DAAM2: variants seen among roughly 807,000 people sequenced by gnomAD.
DAAM2 encodes disheveled-associated activator of morphogenesis 2.
A neutral mutation model predicts 120.7 loss-of-function variants in DAAM2; 39 were observed. The ratio of observed to expected loss-of-function variants is 0.32; its 90% CI spans 0.25 to 0.42. The LOEUF is 0.42. DAAM2 is among the 10% of genes least tolerant of loss of function. DAAM2 has a pLI of 1.00. For synonymous variants in DAAM2, 488 were observed against 524.9 expected, an observed-to-expected ratio of 0.93 and a Z score of 0.96; for missense variants, 1,283 against 1,401.7, an observed-to-expected ratio of 0.92 and a Z score of 1.35.
At chr6:39,871,460 GT>G (rs1764658347) in intron 8 of DAAM2, 45 bp from the exon 9 acceptor site, 1 of 1,519,124 alleles carries the variant, frequency 6.6e-7, no homozygotes, top group Non-Finnish European at 8.9e-7. Flanking sequence ...CCAAGGGTGT[GT>G]CCTGGCTGTA....
At chr6:39,837,107 C>T (rs965427289) in intron 1 of DAAM2, among the ~76,000 whole-genome samples, 2 of 152,156 alleles carry the variant, frequency 1.3e-5, no homozygotes, top group African/African-American at 4.8e-5. Flanking sequence ...ACCTGCTGCC[C>T]ACTCTCAGGC....
intron 1 of DAAM2, among the ~76,000 whole-genome samples, chr6:39,827,942 G>C (rs1762736126): frequency 6.6e-6 from 1 of 152,084 alleles, no homozygotes; most frequent in Non-Finnish European, 1.5e-5. Context: ...ACGCCTCGCT[G>C]TCCTTGGAGA....
chr6:39,839,252 G>A (rs969459116), intron 1 of DAAM2, among the ~76,000 whole-genome samples: 2 of 152,234 alleles, frequency 1.3e-5, no homozygotes, highest in South Asian at 2.1e-4. Context: ...AAAGAGAAAC[G>A]GCAGTAAATT....
rs1766493745 is a variant in DAAM2, at chr6:39,901,666, G to A, written c.2983-147G>A. 1.0e-6 allele frequency: 1 copy of A among 964,020 alleles called. No homozygotes were observed. Among genetic ancestry groups the A allele is most frequent in the Non-Finnish European group, 1.5e-6 (1 of 669,028 alleles). The allele number at this position is 964,020 out of a possible 1,614,324, so 59.7% of individuals were successfully genotyped here. A position where few individuals can be genotyped will look rare whatever the true frequency, so the allele number is the denominator to read the frequency against. On this transcript the variant is annotated intron_variant, in intron 24 of 24. Coordinates refer to ENST00000274867, the MANE Select transcript of DAAM2 (RefSeq NM_001201427.2). This position sits in a 1 kb window ranked among gnomAD's most constrained non-coding sequence, Gnocchi z 4.5. ...GAGAGTGGTGTGAAGCTGGGGGCCT[G>A]TATGTCCTAGGCAGGAAGAAAGTGG...
chr6:39,896,143 TA>T (rs1766072388), intron 19 of DAAM2, among the ~76,000 whole-genome samples: 1 of 152,220 alleles, frequency 6.6e-6, no homozygotes, highest in Non-Finnish European at 1.5e-5. Context: ...TTTAGAAAAG[TA>T]AAAGTGTCAT....
chr6:39,899,969 T>C lies in DAAM2; in HGVS notation c.2680-108T>C. On this transcript the variant is annotated intron_variant, in intron 22 of 24. Transcript: ENST00000274867. ...ACTTTGAGATGCAGGGTGTTCCCTC[T>C]TCCAAAGGGCTCAATGTCCTGTGAG... is the stretch of plus-strand genomic sequence containing the variant. The C allele has an allele frequency of 2.3e-6, 3 of 1,300,284 alleles. No homozygotes were observed. In the South Asian group the frequency reaches 4.4e-5, roughly 19 times the overall value. The allele number at this position is 1,300,284 out of a possible 1,614,324, so 80.5% of individuals were successfully genotyped here. A position where few individuals can be genotyped will look rare whatever the true frequency, so the allele number is the denominator to read the frequency against.
At chr6:39,881,953 C>G (rs1322300740) in intron 14 of DAAM2, 2 of 152,268 alleles carry the variant, frequency 1.3e-5, no homozygotes, top group East Asian at 3.9e-4. Context: ...ATCCCTCCAT[C>G]TTCCCACAGT....
At chr6:39,842,505 T>C (rs895130356) in intron 1 of DAAM2, among the ~76,000 whole-genome samples, 2 of 151,968 alleles carry the variant, frequency 1.3e-5, no homozygotes, top group Non-Finnish European at 2.9e-5. Context: ...TGGTGGTGCA[T>C]GCCTGTAAAC....
intron 5 of DAAM2, among the ~76,000 whole-genome samples, chr6:39,866,652 T>A (rs1397671212): frequency 6.6e-6 from 1 of 152,210 alleles, no homozygotes. Flanking sequence ...CAGCTACAAA[T>A]AATAAAAATG....
chr6:39,888,621 A>C (rs1425354827), intron 16 of DAAM2, 58 bp from the exon 17 acceptor site: 1 of 1,493,020 alleles, frequency 6.7e-7, no homozygotes, highest in Non-Finnish European at 9.3e-7. Flanking sequence ...CGGAGGTGGT[A>C]CCTTTTGGAG....
In DAAM2 at chr6:39,856,393, C is replaced by A. The variant is rs749092391; in HGVS notation, c.91C>A (p.His31Asn). 6.4e-7 allele frequency: 1 copy of A among 1,552,054 alleles called. No individual in the cohort carries two copies. The highest frequency in any genetic ancestry group is 8.7e-7 in the Non-Finnish European group (1 of 1,148,806). Residue 31 changes from histidine (H) to asparagine (N), a missense_variant, in exon 2 of 25, where the codon CAC becomes AAC. His to Asn is a moderately conservative substitution (Grantham distance 68). Coordinates refer to ENST00000274867, the MANE Select transcript of DAAM2 (RefSeq NM_001201427.2). ...CCCCGAAATCAACCTCCGGGACAAC[C>A]ACCCTCTGCAGTTCATGGAGTTCTC... ...DIPEINLRDN[H>N]PLQFMEFSSP...
At chr6:39,847,529 G>A (rs1247937129) in intron 1 of DAAM2, among the ~76,000 whole-genome samples, 1 of 152,094 alleles carries the variant, frequency 6.6e-6, no homozygotes, top group Non-Finnish European at 1.5e-5. Flanking sequence ...AGAGACATGG[G>A]CGCTAAAATT....
chr6:39,850,804 G>C (rs1763781891), intron 1 of DAAM2, among the ~76,000 whole-genome samples: 2 of 152,158 alleles, frequency 1.3e-5, no homozygotes, highest in Non-Finnish European at 2.9e-5. Flanking sequence ...CCATGTCCTT[G>C]TCCTGTTACC....
intron 17 of DAAM2, 101 bp downstream of exon 17, chr6:39,888,864 A>C: frequency 1.2e-6 from 1 of 807,400 alleles, no homozygotes; most frequent in Non-Finnish European, 2.0e-6. Context: ...TCAAGGAGAA[A>C]TCAGGCTGGA....
In DAAM2 at chr6:39,792,401, G is replaced by T. The variant is rs1761572928; in HGVS notation, c.-121G>T. 6.6e-6 allele frequency: 1 copy of T among 152,234 alleles called. No homozygotes were observed. 9.4% of individuals were successfully genotyped at this position (152,234 alleles called of 1,614,324 possible). ...GATAGCGCGGAGCACGCAGCAGCGA[G>T]CGGAGCGCGGGCGGCGGCGCCGTAC... On this transcript the variant is annotated 5_prime_UTR_variant, in exon 1 of 25. Coordinates refer to ENST00000274867, the MANE Select transcript of DAAM2 (RefSeq NM_001201427.2).
intron 1 of DAAM2, chr6:39,823,343 G>C (rs550920413): frequency 6.6e-6 from 1 of 152,414 alleles, no homozygotes; most frequent in East Asian, 1.9e-4. Context: ...AGTTCAGGTT[G>C]GGGCAAAGCA....
intron 1 of DAAM2, among the ~76,000 whole-genome samples, chr6:39,792,724 C>T (rs1323822107): frequency 2.0e-5 from 3 of 152,166 alleles, no homozygotes; most frequent in Admixed American, 2.0e-4. Context: ...TCTGTACTGG[C>T]ACATCTGGAC....
Position 39,875,460 on chromosome 6 carries a change from C to A in DAAM2, c.1293C>A (p.Ile431=). The A allele has an allele frequency of 6.2e-7, 1 of 1,613,460 alleles. No homozygotes were observed. The change falls in exon 11 of 25, where the codon ATC becomes ATA. Residue 431 remains isoleucine, a synonymous_variant. Coordinates refer to ENST00000274867, the MANE Select transcript of DAAM2 (RefSeq NM_001201427.2). ...TGGAGAACTTCAATGTCAAGAACAT[C>A]GTCAACATGTGAGCAGTGGCCAGCC... ...APLENFNVKN[I]VNMLINENEV...
chr6:39,796,762 CAG>C (rs747145114), intron 1 of DAAM2, among the ~76,000 whole-genome samples: 56 of 151,738 alleles, frequency 3.7e-4, no homozygotes, highest in Admixed American at 6.6e-4. Context: ...ATCAAGCAGA[CAG>C]AGATTTGAGT....
Sources: allele counts gnomAD v4.1 joint callset (sites outside exome capture counted in the v4.1 genomes callset), GRCh38; gene constraint gnomAD v4.1.1; non-coding constraint Gnocchi (gnomAD v3.1); transcripts MANE v1.5; gene names NCBI Gene and HGNC (gene_info 2026-07-23, HGNC 2026-07-21).